Variants in SPATA19 observed in about 807,000 individuals in gnomAD.
SPATA19 encodes spermatogenesis associated 19, also known as spermatogenesis-associated protein 19, mitochondrial.
Under a neutral mutation model 25.0 loss-of-function variants are expected in SPATA19, and 19 were observed. That is an observed-to-expected ratio of 0.76 (90% CI 0.53 to 1.11). The LOEUF is 1.11. Ranked by LOEUF, SPATA19 falls within the 50% of genes most tolerant of loss-of-function variation. SPATA19 has a pLI of 0.00. For synonymous variants in SPATA19, 64 were observed against 69.3 expected (o/e 0.92, Z 0.38); for missense variants, 222 against 211.4 (o/e 1.05, Z -0.31).
chr11:133,840,117 C>T (rs562494368), downstream of SPATA19, among the ~76,000 whole-genome samples: 24 of 152,078 alleles, frequency 1.6e-4, no homozygotes, highest in Admixed American at 1.0e-3. Flanking sequence ...CCTCGGTTAC[C>T]GTACAAGCAA....
rs1938385261 is a variant in SPATA19, at chr11:133,844,738, T to C, written c.136-98A>G. The C allele has an allele frequency of 5.1e-5, 69 of 1,365,160 alleles. 2 individuals carry two copies. In the South Asian group the frequency reaches 7.3e-4, roughly 14 times the overall value. 84.6% of individuals were successfully genotyped at this position (1,365,160 alleles called of 1,614,324 possible). On this transcript the variant is annotated intron_variant, in intron 2 of 6. Transcript: ENST00000299140. ...CCTTTTATTCATTCTCCATCACAACTCACACACCACATATTCACACACATA... is the reference window on the plus strand; with the variant it reads ...CCTTTTATTCATTCTCCATCACAACCCACACACCACATATTCACACACATA...
intron 3 of SPATA19, 73 bp from the exon 4 acceptor site, chr11:133,844,410 G>A: frequency 5.0e-6 from 8 of 1,610,044 alleles, no homozygotes; most frequent in Admixed American, 1.7e-5. Flanking sequence ...GAGCCCAGAC[G>A]AGCACCTCAC....
chr11:133,844,526 G>T lies in SPATA19; in HGVS notation c.250C>A (p.His84Asn). Residue 84 changes from histidine to asparagine, a missense_variant, in exon 3 of 7, where the codon CAC becomes AAC. Transcript: ENST00000299140. ...TCATTTACCACATCTCTGGTCACGT[G>T]GATGTCCTGGCCATGGGTGGGAGGG... Reference protein sequence around the residue: ...DSPPTHGQDIHVTRDVVKHHL... With the variant: ...DSPPTHGQDINVTRDVVKHHL... The T allele has an allele frequency of 6.2e-7, 1 of 1,614,128 alleles. No homozygotes were observed. Among genetic ancestry groups the T allele is most frequent in the Non-Finnish European group, 8.5e-7 (1 of 1,180,024 alleles).
At position 133,845,500 on chromosome 11, in the gene SPATA19, C is replaced by T; in HGVS notation, c.-54G>A. ...GGCTCCCTCCTTCCATTGAAGCTGC[C>T]TGAGAACTCCTATGGGACAGGAAGG... On this transcript the variant is annotated 5_prime_UTR_variant, in exon 1 of 7. Coordinates refer to ENST00000299140, the MANE Select transcript of SPATA19 (RefSeq NM_174927.3). The T allele has an allele frequency of 6.3e-7, 1 of 1,583,070 alleles. No individual in the cohort carries two copies. Among genetic ancestry groups the T allele is most frequent in the East Asian group, 2.2e-5 (1 of 44,678 alleles).
Position 133,844,531 on chromosome 11 carries a change from T to A in SPATA19, c.245A>T (p.Asp82Val). ...STDSPPTHGQ[D>V]IHVTRDVVKH... ...TACCACATCTCTGGTCACGTGGATG[T>A]CCTGGCCATGGGTGGGAGGGGAGTC... Residue 82 changes from aspartate (D) to valine (V), a missense_variant, in exon 3 of 7, where the codon GAC (aspartate) becomes GTC (valine). By Grantham distance (152) the Asp-to-Val change is radical. Coordinates refer to ENST00000299140, the MANE Select transcript of SPATA19 (RefSeq NM_174927.3). 1 of 1,614,188 alleles carries A rather than the reference T, an allele frequency of 6.2e-7. No homozygotes were observed. Among genetic ancestry groups the A allele is most frequent in the South Asian group, 1.1e-5 (1 of 91,074 alleles).
chr11:133,844,243 T>G lies in SPATA19; in HGVS notation c.359+3A>C. ...TTCGCCCAGGGCAAGTGGGACACCTTACCTCCATCTTATGAACTGGATTCG... is the reference window on the plus strand; with the variant it reads ...TTCGCCCAGGGCAAGTGGGACACCTGACCTCCATCTTATGAACTGGATTCG... On this transcript the variant is annotated splice_donor_region_variant and intron_variant, in intron 4 of 6. Coordinates refer to ENST00000299140, the MANE Select transcript of SPATA19 (RefSeq NM_174927.3). The G allele has an allele frequency of 6.2e-7, 1 of 1,613,840 alleles. No homozygotes were observed. The highest frequency in any genetic ancestry group is 8.5e-7 in the Non-Finnish European group (1 of 1,179,756).
chr11:133,842,453 G>A (rs2257010), intron 5 of SPATA19, 32 bp downstream of exon 5: 577,439 of 1,578,078 alleles, frequency 0.37, 110,728 homozygotes, highest in East Asian at 0.59. Flanking sequence ...CCCCAGTCAG[G>A]AACACAAATC....
chr11:133,839,577 GT>G (rs1256932670), downstream of SPATA19, among the ~76,000 whole-genome samples: 1 of 151,980 alleles, frequency 6.6e-6, no homozygotes, highest in Non-Finnish European at 1.5e-5. Context: ...TATACTTAAT[GT>G]TAAATGACGA....
chr11:133,844,221 G>A (rs564315011), intron 4 of SPATA19, 25 bp downstream of exon 4: 29 of 1,600,148 alleles, frequency 1.8e-5, no homozygotes, highest in East Asian at 1.3e-4. Flanking sequence ...CCCTTCCTTC[G>A]CCCAGGGCAA....
At chr11:133,844,664 G>A (rs1388808836) in intron 2 of SPATA19, 24 bp from the exon 3 acceptor site, 2 of 1,571,452 alleles carry the variant, frequency 1.3e-6, no homozygotes, top group African/African-American at 1.4e-5. Flanking sequence ...AATTCCCTCT[G>A]AAAATGTCAC....
At position 133,844,253 on chromosome 11, in the gene SPATA19, T is replaced by C. The variant is rs150415961; in HGVS notation, c.352A>G (p.Arg118Gly). Residue 118 changes from arginine to glycine, a missense_variant, in exon 4 of 7, where the codon AGA (arginine) becomes GGA (glycine). Arg to Gly is a moderately radical substitution (Grantham distance 125). Coordinates refer to ENST00000299140, the MANE Select transcript of SPATA19 (RefSeq NM_174927.3). ...LEERTRIQFI[R>G]WSHTRIFQVP... Reference sequence around the variant, plus strand: ...GCAAGTGGGACACCTTACCTCCATCTTATGAACTGGATTCGTGTTCTCTCC... The same window carrying C: ...GCAAGTGGGACACCTTACCTCCATCCTATGAACTGGATTCGTGTTCTCTCC... The C allele has an allele frequency of 6.9e-5, 111 of 1,614,018 alleles. No individual in the cohort carries two copies. Among genetic ancestry groups the C allele is most frequent in the Non-Finnish European group, 8.1e-5 (96 of 1,179,982 alleles).
downstream of SPATA19, among the ~76,000 whole-genome samples, chr11:133,838,778 T>A (rs181498897): frequency 2.6e-4 from 40 of 152,192 alleles, no homozygotes; most frequent in African/African-American, 8.9e-4. Flanking sequence ...CGCAACCTAC[T>A]CATCTGACAA....
intron 4 of SPATA19, among the ~76,000 whole-genome samples, chr11:133,843,860 G>A (rs1938363486): frequency 6.6e-6 from 1 of 152,216 alleles, no homozygotes; most frequent in Admixed American, 6.5e-5. Flanking sequence ...CTAGCCTCGG[G>A]CGCTGGGAAG....
chr11:133,838,633 G>A (rs1208928439), downstream of SPATA19, among the ~76,000 whole-genome samples: 1 of 152,160 alleles, frequency 6.6e-6, no homozygotes, highest in Non-Finnish European at 1.5e-5. Flanking sequence ...AGGACTTCAT[G>A]TCTAAAACAC....
intron 4 of SPATA19, among the ~76,000 whole-genome samples, chr11:133,843,212 T>C (rs1377083335): frequency 6.6e-6 from 1 of 152,196 alleles, no homozygotes; most frequent in African/African-American, 2.4e-5. Flanking sequence ...AGTTTTTTTA[T>C]ACAGACGAGA....
intron 4 of SPATA19, among the ~76,000 whole-genome samples, chr11:133,842,787 G>A (rs2187449): frequency 0.84 from 127,378 of 151,862 alleles, 53,827 homozygotes; most frequent in East Asian, 0.94. Flanking sequence ...AGACTGTCCC[G>A]GGGAGAGCCA....
At chr11:133,839,726 C>T (rs1458861232), downstream of SPATA19, among the ~76,000 whole-genome samples, 3 of 151,454 alleles carry the variant, frequency 2.0e-5, no homozygotes, top group South Asian at 2.1e-4. Context: ...AGAATCTACC[C>T]AAACTGAAAC....
downstream of SPATA19, among the ~76,000 whole-genome samples, chr11:133,839,363 G>A (rs914751961): frequency 7.3e-4 from 111 of 152,252 alleles, no homozygotes; most frequent in African/African-American, 2.6e-3. Context: ...AAAAAATGAT[G>A]AGTTAATGTC....
rs1308394912 is a variant in SPATA19, at chr11:133,844,147, A to G, written c.359+99T>C. 4 of 980,394 alleles carry G rather than the reference A, an allele frequency of 4.1e-6. No individual in the cohort carries two copies. The African/African-American group carries it at 4.8e-5, about 12-fold the overall frequency. The allele number at this position is 980,394 out of a possible 1,614,324, so 60.7% of individuals were successfully genotyped here. The stretch of plus-strand genomic sequence containing the variant: ...AGGCTGAGGAATTTGTCAGCCAAAG[A>G]CGACATCTCTAGAGAAGAGCATCTG... On this transcript the variant is annotated intron_variant, in intron 4 of 6. Coordinates refer to ENST00000299140, the MANE Select transcript of SPATA19 (RefSeq NM_174927.3).
Sources: allele counts gnomAD v4.1 joint callset (sites outside exome capture counted in the v4.1 genomes callset), GRCh38; gene constraint gnomAD v4.1.1; transcripts MANE v1.5; gene names NCBI Gene and HGNC (gene_info 2026-07-23, HGNC 2026-07-21).